Variants in DDX10 observed in about 807,000 individuals in gnomAD.
DDX10 encodes probable ATP-dependent RNA helicase DDX10.
DDX10 carries 74 observed loss-of-function variants against 104.3 expected under a neutral mutation model. The ratio of observed to expected loss-of-function variants is 0.71; its 90% CI spans 0.59 to 0.86. DDX10 has a LOEUF of 0.86. Among genes scored for constraint, DDX10 ranks in the 40% least tolerant of loss-of-function variants. The probability of loss-of-function intolerance (pLI) is 0.00; values close to 1 mark genes in which losing one functional copy is unlikely to be tolerated. For missense variants in DDX10, 952 were observed against 1,040.0 expected (o/e 0.92, Z 1.16); for synonymous variants, 351 against 353.4 (o/e 0.99, Z 0.08).
At chr11:108,739,071 C>T (rs557165517) in intron 13 of DDX10, among the ~76,000 whole-genome samples, 5 of 152,130 alleles carry the variant, frequency 3.3e-5, no homozygotes, top group African/African-American at 7.2e-5. Context: ...CTCTGCCCCC[C>T]CAGGGAGACA....
intron 16 of DDX10, among the ~76,000 whole-genome samples, chr11:108,869,155 C>T (rs1287066595): frequency 6.6e-6 from 1 of 151,400 alleles, no homozygotes. Context: ...AAAAGCCATG[C>T]ACACAATTCT....
At chr11:108,848,628 T>C (rs1362526480) in intron 15 of DDX10, among the ~76,000 whole-genome samples, 5 of 152,136 alleles carry the variant, frequency 3.3e-5, no homozygotes, top group Non-Finnish European at 7.4e-5. Context: ...TCTAGTGACA[T>C]TTAGCTCAAT....
chr11:108,884,946 T>C (rs984653996), intron 16 of DDX10, among the ~76,000 whole-genome samples: 4 of 152,236 alleles, frequency 2.6e-5, no homozygotes, highest in Non-Finnish European at 5.9e-5. Context: ...TGACTCATTT[T>C]TCCTCTACAG....
At chr11:108,846,649 T>C (rs1862721896) in intron 15 of DDX10, among the ~76,000 whole-genome samples, 1 of 152,242 alleles carries the variant, frequency 6.6e-6, no homozygotes, top group African/African-American at 2.4e-5. Context: ...TACATATATA[T>C]GCTACATTTA....
intron 17 of DDX10, 90 bp from the exon 18 acceptor site, chr11:108,940,156 A>G: frequency 7.5e-7 from 1 of 1,330,440 alleles, no homozygotes; most frequent in Non-Finnish European, 1.0e-6. Flanking sequence ...GAATAATATC[A>G]CTTTACCAAC....
intron 7 of DDX10, among the ~76,000 whole-genome samples, chr11:108,689,300 A>G (rs1426663305): frequency 2.6e-5 from 4 of 152,216 alleles, no homozygotes; most frequent in Non-Finnish European, 2.9e-5. Context: ...TGTAGTCCTC[A>G]ATAAATATTA....
chr11:108,738,019 A>T (rs762260646), intron 13 of DDX10, among the ~76,000 whole-genome samples: 1 of 152,092 alleles, frequency 6.6e-6, no homozygotes, highest in Non-Finnish European at 1.5e-5. Flanking sequence ...AAAATGTTTG[A>T]TATGGGAAAT....
Position 108,909,885 on chromosome 11 carries a change from A to G in DDX10, c.2305-7988A>G, listed in dbSNP as rs560130324. Among the ~76,000 whole-genome samples, 3 of 152,298 alleles carry G rather than the reference A, an allele frequency of 2.0e-5. No individual in the cohort carries two copies. In the East Asian group the frequency reaches 5.8e-4, roughly 29 times the overall value. On this transcript the variant is annotated intron_variant, in intron 16 of 17. Coordinates refer to ENST00000322536, the MANE Select transcript of DDX10 (RefSeq NM_004398.4). Reference sequence around the variant, plus strand: ...CAGGAGAGAAATAGCATGCACGAAGACTTGAGGTGGAAAGAGGCTTGACTA... The same window carrying G: ...CAGGAGAGAAATAGCATGCACGAAGGCTTGAGGTGGAAAGAGGCTTGACTA...
chr11:108,899,280 T>C (rs1863483065), intron 16 of DDX10, among the ~76,000 whole-genome samples: 1 of 152,132 alleles, frequency 6.6e-6, no homozygotes, highest in South Asian at 2.1e-4. Flanking sequence ...CTTTGATTTT[T>C]CCAAGTGGCA....
At chr11:108,689,305 A>G (rs2094248904) in intron 7 of DDX10, among the ~76,000 whole-genome samples, 1 of 152,202 alleles carries the variant, frequency 6.6e-6, no homozygotes, top group Admixed American at 6.5e-5. Context: ...TCCTCAATAA[A>G]TATTAGTAGA....
chr11:108,922,663 C>G (rs1378429284), intron 17 of DDX10, among the ~76,000 whole-genome samples: 2 of 152,240 alleles, frequency 1.3e-5, no homozygotes, highest in Non-Finnish European at 2.9e-5. Flanking sequence ...CTTCGACCCT[C>G]TAAAATTATC....
At chr11:108,846,956 G>C (rs1862727724) in intron 15 of DDX10, among the ~76,000 whole-genome samples, 1 of 152,126 alleles carries the variant, frequency 6.6e-6, no homozygotes, top group South Asian at 2.1e-4. Context: ...AACTGCTTTG[G>C]ATCATTTAGC....
chr11:108,756,834 C>T (rs764917206), intron 13 of DDX10, among the ~76,000 whole-genome samples: 6 of 151,996 alleles, frequency 3.9e-5, no homozygotes, highest in Admixed American at 6.6e-5. Flanking sequence ...ACAGTTCTTA[C>T]GTTTTAGTAA....
chr11:108,894,691 G>C lies in DDX10; in HGVS notation c.2305-23182G>C, dbSNP rs193074732. The stretch of plus-strand genomic sequence containing the variant: ...TGCAAAACGTTAAAAATGGTATTTT[G>C]CTCATATGGGCATACTCTTTTGTGT... On this transcript the variant is annotated intron_variant, in intron 16 of 17. Transcript: ENST00000322536. Among the ~76,000 whole-genome samples, 12 of 152,040 alleles carry C rather than the reference G, an allele frequency of 7.9e-5. No homozygotes were observed. The East Asian group carries it at 2.1e-3, about 27-fold the overall frequency.
At chr11:108,892,913 A>G (rs1411748183) in intron 16 of DDX10, among the ~76,000 whole-genome samples, 1 of 152,068 alleles carries the variant, frequency 6.6e-6, no homozygotes, top group African/African-American at 2.4e-5. Flanking sequence ...TGCTCTACTA[A>G]ACAACCCCTG....
chr11:108,832,029 A>G lies in DDX10; in HGVS notation c.1966-6417A>G, dbSNP rs549256587. ...AAAGTCATATTTTGATGTTTTACAT[A>G]TTGTCAGCTAATCTTTCATTGTATT... On this transcript the variant is annotated intron_variant, in intron 13 of 17. Transcript: ENST00000322536. Among the ~76,000 whole-genome samples, 6 of 152,296 alleles carry G rather than the reference A, an allele frequency of 3.9e-5. No homozygotes were observed. The East Asian group carries it at 1.2e-3, about 29-fold the overall frequency.
chr11:108,666,431 G>C (rs12295747), intron 1 of DDX10, among the ~76,000 whole-genome samples: 2 of 152,242 alleles, frequency 1.3e-5, no homozygotes, highest in African/African-American at 4.8e-5. Context: ...AGTGAGCCCA[G>C]ATCGCACCAT....
chr11:108,716,238 G>A (rs2094291181), intron 11 of DDX10, among the ~76,000 whole-genome samples: 1 of 152,028 alleles, frequency 6.6e-6, no homozygotes, highest in Admixed American at 6.5e-5. Flanking sequence ...TGGGACTACA[G>A]GTGTGCGCCA....
chr11:108,694,250 G>C (rs2094256683), intron 9 of DDX10, among the ~76,000 whole-genome samples: 2 of 152,104 alleles, frequency 1.3e-5, no homozygotes, highest in Admixed American at 6.5e-5. Context: ...ACAGATAGAG[G>C]GGGGACTACT....
Sources: gnomAD v4.1 joint callset for allele counts (sites outside exome capture counted in the v4.1 genomes callset) on GRCh38, gnomAD v4.1.1 for gene constraint, MANE v1.5 for transcripts, NCBI Gene and HGNC (gene_info 2026-07-23, HGNC 2026-07-21) for gene names.